KCNJ16: variants seen among roughly 807,000 people sequenced by gnomAD.
The protein encoded by KCNJ16 is inward rectifier potassium channel 16.
In KCNJ16, 15 loss-of-function variants were observed where a neutral mutation model predicts 18.5. That is an observed-to-expected ratio of 0.81 (90% confidence interval 0.54 to 1.25). The LOEUF is 1.25. KCNJ16 is among the 50% of genes most tolerant of loss of function. The probability of loss-of-function intolerance (pLI) is 0.00; values close to 1 mark genes in which losing one functional copy is unlikely to be tolerated. For missense variants in KCNJ16, 523 were observed against 525.7 expected, an observed-to-expected ratio of 0.99 and a Z score of 0.05; for synonymous variants, 174 against 186.5, an observed-to-expected ratio of 0.93 and a Z score of 0.55.
In KCNJ16 at chr17:70,132,798, C is replaced by T; in HGVS notation, c.711C>T (p.Asp237=). The T allele has an allele frequency of 3.1e-6, 5 of 1,613,948 alleles. No homozygotes were observed. The highest frequency in any genetic ancestry group is 3.4e-6 in the Non-Finnish European group (4 of 1,180,030). ...SEGRMTMAFK[D]LKLVNDQIIL... ...GGAGGATGACGATGGCATTTAAAGA[C>T]CTCAAATTAGTCAACGACCAAATCA... is the stretch of plus-strand genomic sequence containing the variant. The change falls in exon 4 of 4, where the codon GAC becomes GAT. Residue 237 remains aspartate, a synonymous_variant. Transcript: ENST00000392671.
intron 1 of KCNJ16, among the ~76,000 whole-genome samples, chr17:70,081,867 T>A (rs1187912768): frequency 6.6e-6 from 1 of 152,004 alleles, no homozygotes; most frequent in Non-Finnish European, 1.5e-5. Flanking sequence ...ATTCACAAAG[T>A]AATACCATGA....
At chr17:70,089,109 A>C (rs760290925) in intron 1 of KCNJ16, among the ~76,000 whole-genome samples, 1 of 152,212 alleles carries the variant, frequency 6.6e-6, no homozygotes, top group Non-Finnish European at 1.5e-5. Context: ...ACACAGGAAT[A>C]CAAACAGGCA....
intron 2 of KCNJ16, among the ~76,000 whole-genome samples, chr17:70,118,037 T>G (rs960904036): frequency 1.3e-5 from 2 of 152,156 alleles, no homozygotes; most frequent in Non-Finnish European, 2.9e-5. Flanking sequence ...AGGGAAGACT[T>G]TCCCTCTAGC....
rs1019590602 is a variant in KCNJ16 at position 70,110,475 on chromosome 17, C to T, written c.-191+9709C>T. The stretch of plus-strand genomic sequence containing the variant: ...ACCAGACTTACACACCTACACACTT[C>T]GTGCGCGCACACACACACACACACA... On this transcript the variant is annotated intron_variant, in intron 2 of 3. Coordinates refer to ENST00000392671, the MANE Select transcript of KCNJ16 (RefSeq NM_170741.4). Among the ~76,000 whole-genome samples, 76 of 149,858 alleles carry T rather than the reference C, an allele frequency of 5.1e-4. 1 individual carries two copies. The highest frequency in any genetic ancestry group is 6.6e-4 in the Admixed American group (10 of 15,180).
At chr17:70,113,539 AC>A in intron 2 of KCNJ16, among the ~76,000 whole-genome samples, 1 of 152,310 alleles carries the variant, frequency 6.6e-6, no homozygotes, top group Middle Eastern at 3.4e-3. Context: ...GCTGAATGGT[AC>A]AGAAACTCTT....
intron 2 of KCNJ16, among the ~76,000 whole-genome samples, chr17:70,103,261 GTA>G (rs548238214): frequency 2.0e-4 from 20 of 98,874 alleles, no homozygotes; most frequent in South Asian, 9.9e-4. Context: ...ATATTTATGT[GTA>G]TATGTGTATA....
intron 3 of KCNJ16, 28 bp from the exon 4 acceptor site, chr17:70,131,967 G>A: frequency 2.0e-6 from 3 of 1,529,368 alleles, no homozygotes; most frequent in Non-Finnish European, 2.6e-6. Flanking sequence ...AAGCTAAAAA[G>A]TGTGTTTTTG....
intron 2 of KCNJ16, among the ~76,000 whole-genome samples, chr17:70,106,191 G>A (rs953717280): frequency 5.3e-5 from 8 of 152,120 alleles, no homozygotes; most frequent in African/African-American, 1.7e-4. Context: ...GATCTGTCTC[G>A]TTGGCCTGAC....
intron 1 of KCNJ16, among the ~76,000 whole-genome samples, chr17:70,081,928 G>A (rs761397375): frequency 3.3e-5 from 5 of 152,232 alleles, no homozygotes; most frequent in Admixed American, 2.0e-4. Flanking sequence ...TTTTAGACAT[G>A]AAAATAATAG....
intron 2 of KCNJ16, among the ~76,000 whole-genome samples, chr17:70,114,967 T>G (rs563108170): frequency 1.3e-5 from 2 of 152,286 alleles, no homozygotes; most frequent in South Asian, 2.1e-4. Context: ...CAGCTTCTTT[T>G]TATCCTCATA....
rs141870696 is a variant in KCNJ16 at position 70,095,596 on chromosome 17, G to A, written c.-299-5062G>A. Among the ~76,000 whole-genome samples the A allele has an allele frequency of 7.9e-5, 12 of 152,264 alleles. No homozygotes were observed. The East Asian group carries it at 2.3e-3, about 29-fold the overall frequency. ...CTGTGAGTCTCTGGCAAACAAAAGT[G>A]ATCGTGCCTGTCTTCCTTGCAAGCT... On this transcript the variant is annotated intron_variant, in intron 1 of 3. Coordinates refer to ENST00000392671, the MANE Select transcript of KCNJ16 (RefSeq NM_170741.4).
At chr17:70,099,394 C>A (rs1334275140) in intron 1 of KCNJ16, among the ~76,000 whole-genome samples, 1 of 152,116 alleles carries the variant, frequency 6.6e-6, no homozygotes, top group East Asian at 1.9e-4. Flanking sequence ...CTTCAGGGGA[C>A]AGCATGAGGA....
intron 2 of KCNJ16, among the ~76,000 whole-genome samples, chr17:70,119,558 C>A (rs1325349972): frequency 6.6e-6 from 1 of 152,194 alleles, no homozygotes; most frequent in Non-Finnish European, 1.5e-5. Flanking sequence ...AGGCTTAACA[C>A]CACATAGAAG....
intron 1 of KCNJ16, among the ~76,000 whole-genome samples, chr17:70,080,233 C>T (rs1056807471): frequency 5.3e-5 from 8 of 152,036 alleles, no homozygotes; most frequent in Non-Finnish European, 1.2e-4. Context: ...TGAGTCCTAC[C>T]TCTGAATAAC....
rs2073711311 is a variant in KCNJ16 at position 70,123,083 on chromosome 17, T to G, written c.-190-7796T>G. On this transcript the variant is annotated intron_variant, in intron 2 of 3. Transcript: ENST00000392671. ...TCTTGTTCAAATGCAAAAGTTATCA[T>G]GCAATGCCCTTGGTTCAGATATTTC... Among the ~76,000 whole-genome samples, 6 of 152,220 alleles carry G rather than the reference T, an allele frequency of 3.9e-5. No homozygotes were observed. In the South Asian group the frequency reaches 1.2e-3, roughly 32 times the overall value.
intron 2 of KCNJ16, among the ~76,000 whole-genome samples, chr17:70,108,536 T>A (rs1240488563): frequency 6.6e-6 from 1 of 152,160 alleles, no homozygotes; most frequent in African/African-American, 2.4e-5. Flanking sequence ...TGCTTTAAAG[T>A]GGCCGTGTCC....
chr17:70,131,775 T>G (rs546128112), intron 3 of KCNJ16, among the ~76,000 whole-genome samples: 2 of 152,346 alleles, frequency 1.3e-5, no homozygotes, highest in Non-Finnish European at 2.9e-5. Flanking sequence ...ACCCAAGCCT[T>G]ATTCATATAT....
chr17:70,117,045 T>G (rs1171691367), intron 2 of KCNJ16, among the ~76,000 whole-genome samples: 1 of 152,142 alleles, frequency 6.6e-6, no homozygotes, highest in Non-Finnish European at 1.5e-5. Flanking sequence ...AGGCATAGAA[T>G]CAACCTAAGT....
intron 1 of KCNJ16, among the ~76,000 whole-genome samples, chr17:70,079,743 C>T (rs2071472026): frequency 6.6e-6 from 1 of 152,138 alleles, no homozygotes; most frequent in African/African-American, 2.4e-5. Context: ...CACTCTATTG[C>T]CTAGGCTAGA....
Sources: allele counts gnomAD v4.1 joint callset (sites outside exome capture counted in the v4.1 genomes callset), GRCh38; gene constraint gnomAD v4.1.1; transcripts MANE v1.5; gene names NCBI Gene and HGNC (gene_info 2026-07-23, HGNC 2026-07-21).